Variants in ODF4 observed in about 807,000 individuals in gnomAD.
ODF4 encodes outer dense fiber protein 4.
In ODF4, 11 loss-of-function variants were observed where a neutral mutation model predicts 17.0. The ratio of observed to expected loss-of-function variants is 0.65; its 90% CI spans 0.41 to 1.07. ODF4 has a LOEUF of 1.07. Among genes scored for constraint, ODF4 ranks in the 50% least tolerant of loss-of-function variants. The probability of loss-of-function intolerance (pLI) is 0.00; values close to 1 mark genes in which losing one functional copy is unlikely to be tolerated. For missense variants in ODF4, 281 were observed against 310.2 expected (o/e 0.91, Z 0.71); for synonymous variants, 127 against 121.8 (o/e 1.04, Z -0.28).
At chr17:8,341,190 C>CA (rs1165273046) in intron 1 of ODF4, among the ~76,000 whole-genome samples, 571 of 135,908 alleles carry the variant, frequency 4.2e-3, no homozygotes, top group African/African-American at 9.5e-3. Context: ...AACTCTGTCT[C>CA]AAAAAAAAAA....
intron 1 of ODF4, among the ~76,000 whole-genome samples, chr17:8,342,052 G>T (rs888273649): frequency 2.0e-5 from 3 of 152,014 alleles, no homozygotes; most frequent in African/African-American, 7.3e-5. Context: ...CTTGCTCAGG[G>T]TCATAAAGCT....
At chr17:8,342,708 C>T (rs776351509) in intron 1 of ODF4, among the ~76,000 whole-genome samples, 18 of 152,286 alleles carry the variant, frequency 1.2e-4, no homozygotes, top group Admixed American at 2.0e-4. Context: ...CAGAGACACT[C>T]TATTCAGAGA....
chr17:8,344,092 A>G lies in ODF4; in HGVS notation c.455-1251A>G, dbSNP rs951754009. ...GGGTGAGCCACTGCACCCGACACCA[A>G]TTGTATATTTTTAAAGAGACAGGGC... is the stretch of plus-strand genomic sequence containing the variant. On this transcript the variant is annotated intron_variant, in intron 1 of 2. Coordinates refer to ENST00000328248, the MANE Select transcript of ODF4 (RefSeq NM_153007.5). 2.0e-4 allele frequency among the ~76,000 whole-genome samples: 25 copies of G among 125,378 alleles called. 8 individuals are homozygous for G. The highest frequency in any genetic ancestry group is 5.7e-4 in the African/African-American group (17 of 29,944). The allele number at this position is 125,378 out of a possible 152,430, so 82.3% of individuals were successfully genotyped here. A position where few individuals can be genotyped will look rare whatever the true frequency, so the allele number is the denominator to read the frequency against.
In ODF4 at chr17:8,339,996, G is replaced by T. The variant is rs1184208355; in HGVS notation, c.-56G>T. The T allele has an allele frequency of 4.4e-6, 5 of 1,144,908 alleles. No homozygotes were observed. In the Admixed American group the frequency reaches 1.1e-4, roughly 25 times the overall value. The allele number at this position is 1,144,908 out of a possible 1,614,324, so 70.9% of individuals were successfully genotyped here. Reference sequence around the variant, plus strand: ...GATGAAAATATCCAAAAGATGAGAAGAGACAATTGAGTCTGGTGAGGGAAA... The same window carrying T: ...GATGAAAATATCCAAAAGATGAGAATAGACAATTGAGTCTGGTGAGGGAAA... On this transcript the variant is annotated 5_prime_UTR_variant, in exon 1 of 3. Transcript: ENST00000328248.
Position 8,343,444 on chromosome 17 carries a change from A to G in ODF4, c.455-1899A>G, listed in dbSNP as rs187449789. On this transcript the variant is annotated intron_variant, in intron 1 of 2. Coordinates refer to ENST00000328248, the MANE Select transcript of ODF4 (RefSeq NM_153007.5). ...CAGCACACCCAGCCGACATATTAAT[A>G]TCTCTGCAAAGAAGATTCCTGTACT... Among the ~76,000 whole-genome samples, 2 of 126,970 alleles carry G rather than the reference A, an allele frequency of 1.6e-5. 1 individual carries two copies. The highest frequency in any genetic ancestry group is 6.5e-5 in the African/African-American group (2 of 30,652). The allele number at this position is 126,970 out of a possible 152,430, so 83.3% of individuals were successfully genotyped here. A position where few individuals can be genotyped will look rare whatever the true frequency, so the allele number is the denominator to read the frequency against.
chr17:8,342,820 C>T (rs1906077895), intron 1 of ODF4, among the ~76,000 whole-genome samples: 1 of 152,100 alleles, frequency 6.6e-6, no homozygotes, highest in Non-Finnish European at 1.5e-5. Flanking sequence ...CAGCCTCAAA[C>T]TGCTGGGCCC....
intron 1 of ODF4, among the ~76,000 whole-genome samples, chr17:8,343,123 G>A (rs1597476614): frequency 6.8e-6 from 1 of 147,402 alleles, no homozygotes; most frequent in Non-Finnish European, 1.5e-5. Flanking sequence ...AAATCAAGGA[G>A]CTTATTGGAC....
Position 8,344,795 on chromosome 17 carries a change from T to C in ODF4, c.455-548T>C, listed in dbSNP as rs993720471. 3.4e-6 allele frequency: 3 copies of C among 888,928 alleles called. No individual in the cohort carries two copies. The African/African-American group carries it at 5.4e-5, about 16-fold the overall frequency. 55.1% of individuals were successfully genotyped at this position (888,928 alleles called of 1,614,324 possible). A position where few individuals can be genotyped will look rare whatever the true frequency, so the allele number is the denominator to read the frequency against. ...AGTCACCGCGCCTGGCGGTACATTTTCTTGTATTTGCTCATTTGATTATGT... is the reference window on the plus strand; with the variant it reads ...AGTCACCGCGCCTGGCGGTACATTTCCTTGTATTTGCTCATTTGATTATGT... On this transcript the variant is annotated intron_variant, in intron 1 of 2. Coordinates refer to ENST00000328248, the MANE Select transcript of ODF4 (RefSeq NM_153007.5).
chr17:8,344,411 G>A lies in ODF4; in HGVS notation c.455-932G>A, dbSNP rs1052446492. ...ATATCCATATCAAGGATCTCGGATT[G>A]TTTAAGAAGTGAAAGCAATATTTCA... On this transcript the variant is annotated intron_variant, in intron 1 of 2. Coordinates refer to ENST00000328248, the MANE Select transcript of ODF4 (RefSeq NM_153007.5). Among the ~76,000 whole-genome samples the A allele has an allele frequency of 1.6e-5, 2 of 128,580 alleles. 1 individual carries two copies. Among genetic ancestry groups the A allele is most frequent in the African/African-American group, 6.4e-5 (2 of 31,200 alleles). 84.4% of individuals were successfully genotyped at this position (128,580 alleles called of 152,430 possible). A position where few individuals can be genotyped will look rare whatever the true frequency, so the allele number is the denominator to read the frequency against.
chr17:8,344,805 G>C, intron 1 of ODF4: 2 of 921,184 alleles, frequency 2.2e-6, no homozygotes, highest in Non-Finnish European at 2.6e-6. Flanking sequence ...TCTTGTATTT[G>C]CTCATTTGAT....
chr17:8,344,771 G>A (rs2151658227), intron 1 of ODF4: 1 of 656,452 alleles, frequency 1.5e-6, no homozygotes, highest in Admixed American at 6.2e-5. Flanking sequence ...ACAGGCGTGA[G>A]TCACCGCGCC....
intron 1 of ODF4, among the ~76,000 whole-genome samples, chr17:8,344,592 G>A (rs1597477322): frequency 7.9e-6 from 1 of 126,012 alleles, no homozygotes; most frequent in Non-Finnish European, 1.7e-5. Context: ...AGGTTCAAGC[G>A]ATTCTCCTGC....
At chr17:8,343,509 A>T (rs1906112305) in intron 1 of ODF4, among the ~76,000 whole-genome samples, 1 of 127,126 alleles carries the variant, frequency 7.9e-6, no homozygotes, top group South Asian at 2.5e-4. Flanking sequence ...CTTAACATAA[A>T]TTCCAAGAAG....
intron 1 of ODF4, 134 bp downstream of exon 1, chr17:8,340,639 A>G (rs1052291745): frequency 3.3e-6 from 2 of 611,248 alleles, no homozygotes; most frequent in Non-Finnish European, 5.8e-6. Flanking sequence ...TTCCACTGGC[A>G]CTGAGACCTC....
chr17:8,345,641 C>A lies in ODF4; in HGVS notation c.590-27C>A. On this transcript the variant is annotated intron_variant, in intron 2 of 2. Coordinates refer to ENST00000328248, the MANE Select transcript of ODF4 (RefSeq NM_153007.5). This position sits in a 1 kb window ranked among gnomAD's most constrained non-coding sequence, Gnocchi z 4.1. Reference sequence around the variant, plus strand: ...ACTTAACCTCCCAGTCACAACTTTCCTCTCCCCTGTCCCTGTCCTTTCCCA... The same window carrying A: ...ACTTAACCTCCCAGTCACAACTTTCATCTCCCCTGTCCCTGTCCTTTCCCA... 6.2e-7 allele frequency: 1 copy of A among 1,605,798 alleles called. No individual in the cohort carries two copies. Among genetic ancestry groups the A allele is most frequent in the South Asian group, 1.1e-5 (1 of 90,474 alleles).
rs528306432 is a variant in ODF4, at chr17:8,345,534, A to C, written c.589+57A>C. ...GCGACATGGGTAGGGTAGGGCAGGG[A>C]AAGTGTGGAGGGAAGAGGCTGGCAA... On this transcript the variant is annotated intron_variant, in intron 2 of 2. Coordinates refer to ENST00000328248, the MANE Select transcript of ODF4 (RefSeq NM_153007.5). The surrounding 1 kb of genome is among the most constrained non-coding windows in gnomAD (Gnocchi z 4.1). The C allele has an allele frequency of 1.9e-6, 3 of 1,594,060 alleles. No homozygotes were observed. In the African/African-American group the frequency reaches 4.0e-5, roughly 21 times the overall value.
intron 1 of ODF4, among the ~76,000 whole-genome samples, chr17:8,341,521 G>T (rs1182650636): frequency 2.0e-5 from 3 of 152,034 alleles, no homozygotes; most frequent in Non-Finnish European, 2.9e-5. Flanking sequence ...TAGAGACAAG[G>T]TCTCACTCTG....
Position 8,345,448 on chromosome 17 carries a change from GGCTGGT to G in ODF4, c.564_569del (p.Val189_Leu190del), listed in dbSNP as rs1230368767. On this transcript the variant is annotated inframe_deletion, in exon 2 of 3. Coordinates refer to ENST00000328248, the MANE Select transcript of ODF4 (RefSeq NM_153007.5). The surrounding 1 kb of genome is among the most constrained non-coding windows in gnomAD (Gnocchi z 4.1). ...ATAGGCTGGAGCTATTTCATTGGTT[GGCTGGT>G]GCTTATCCTATACTTCACCTGCGGT... 1 of 1,614,100 alleles carries G rather than the reference GGCTGGT, an allele frequency of 6.2e-7. No homozygotes were observed. Among genetic ancestry groups the G allele is most frequent in the Non-Finnish European group, 8.5e-7 (1 of 1,179,962 alleles).
chr17:8,345,878 T>C lies in ODF4; in HGVS notation c.*26T>C, dbSNP rs370001212. On this transcript the variant is annotated 3_prime_UTR_variant, in exon 3 of 3. Coordinates refer to ENST00000328248, the MANE Select transcript of ODF4 (RefSeq NM_153007.5). This position sits in a 1 kb window ranked among gnomAD's most constrained non-coding sequence, Gnocchi z 4.1. ...TCTTTTCTGAACTCCTGGCACCAAG[T>C]TCTGTCCATTCATCTGACCCCATCT... 88 of 1,598,158 alleles carry C rather than the reference T, an allele frequency of 5.5e-5. No individual in the cohort carries two copies. The African/African-American group carries it at 1.1e-3, about 20-fold the overall frequency.
Sources: allele counts gnomAD v4.1 joint callset (sites outside exome capture counted in the v4.1 genomes callset), GRCh38; gene constraint gnomAD v4.1.1; non-coding constraint Gnocchi (gnomAD v3.1); transcripts MANE v1.5; gene names NCBI Gene and HGNC (gene_info 2026-07-23, HGNC 2026-07-21).